The following TRDN variants were observed in gnomAD, a reference collection of about 807,000 sequenced individuals.
The protein encoded by TRDN is triadin in skeletal muscle.
A neutral mutation model predicts 149.7 loss-of-function variants in TRDN; 161 were observed. The observed-to-expected ratio is 1.08, with a 90% CI of 0.95 to 1.23. The LOEUF is 1.23. TRDN is among the 50% of genes most tolerant of loss of function. TRDN has a pLI of 0.00. For missense variants in TRDN, 896 were observed against 823.5 expected, an observed-to-expected ratio of 1.09 and a Z score of -1.08; for synonymous variants, 294 against 250.5, an observed-to-expected ratio of 1.17 and a Z score of -1.64.
chr6:123,224,112 TG>T lies in TRDN; in HGVS notation c.1994del (p.Pro665GlnfsTer79), dbSNP rs1472110668. 1.9e-6 allele frequency: 3 copies of T among 1,610,546 alleles called. No homozygotes were observed. The highest frequency in any genetic ancestry group is 2.5e-6 in the Non-Finnish European group (3 of 1,177,956). On this transcript the variant is annotated frameshift_variant, in exon 39 of 41. Coordinates refer to ENST00000334268, the MANE Select transcript of TRDN (RefSeq NM_006073.4). LOFTEE classifies it high-confidence loss of function. ...ACTCACCTTTAGCTTTCTTTGAAGC[TG>T]GTACATCTTCAACATCTTCTAGAGT... ...ARVSKDVEDV[P>X]ASKKAKEGTE...
rs9490809 is a variant in TRDN, at chr6:123,548,462, G to A, written c.383C>T (p.Thr128Ile). 2 of 1,559,182 alleles carry A rather than the reference G, an allele frequency of 1.3e-6. No individual in the cohort carries two copies. Among genetic ancestry groups the A allele is most frequent in the Admixed American group, 1.9e-5 (1 of 51,316 alleles). Residue 128 changes from threonine (T) to isoleucine (I), a missense_variant, in exon 3 of 41, where the codon ACT becomes ATT. By Grantham distance (89) the Thr-to-Ile change is moderately conservative. Coordinates refer to ENST00000334268, the MANE Select transcript of TRDN (RefSeq NM_006073.4). ...DEEDDDGDED[T>I]DKGEIDEPPL... ...CTCTATGTTCTTTGTACCTTTATCA[G>A]TATCTTCGTCACCATCATCATCTTC...
chr6:123,514,222 G>A (rs569361485), intron 6 of TRDN, among the ~76,000 whole-genome samples: 56 of 152,100 alleles, frequency 3.7e-4, no homozygotes, highest in African/African-American at 1.3e-3. Flanking sequence ...AAAATTAGCT[G>A]GGTGTGGTGG....
intron 1 of TRDN, among the ~76,000 whole-genome samples, chr6:123,591,230 G>T (rs527476882): frequency 4.4e-4 from 67 of 151,994 alleles, no homozygotes; most frequent in African/African-American, 1.6e-3. Context: ...CATTATATTT[G>T]TTTTACCTGA....
chr6:123,476,668 G>T (rs1302094789), intron 9 of TRDN, among the ~76,000 whole-genome samples: 1 of 146,738 alleles, frequency 6.8e-6, no homozygotes, highest in Non-Finnish European at 1.5e-5. Flanking sequence ...TATACTACAA[G>T]GCTACAGTAA....
chr6:123,373,030 G>A (rs976152226), intron 19 of TRDN, among the ~76,000 whole-genome samples: 1 of 152,082 alleles, frequency 6.6e-6, no homozygotes, highest in Non-Finnish European at 1.5e-5. Context: ...CATAACTTTC[G>A]ATGTGGAAGC....
At chr6:123,433,132 C>A (rs1001342936) in intron 12 of TRDN, among the ~76,000 whole-genome samples, 3 of 121,688 alleles carry the variant, frequency 2.5e-5, no homozygotes, top group Non-Finnish European at 5.1e-5. Context: ...CCCCTTCCCC[C>A]ACACATCATA....
At chr6:123,508,304 A>G (rs941425705) in intron 7 of TRDN, among the ~76,000 whole-genome samples, 4 of 152,226 alleles carry the variant, frequency 2.6e-5, no homozygotes, top group African/African-American at 9.6e-5. Context: ...TGACTAACCC[A>G]ATTTCTAATC....
intron 21 of TRDN, chr6:123,351,151 C>G (rs1003507336): frequency 1.1e-5 from 11 of 984,318 alleles, no homozygotes; most frequent in Admixed American, 6.2e-5. Flanking sequence ...AGCTATAAAA[C>G]TCAATGAAAT....
At chr6:123,623,819 A>G (rs962328233) in intron 1 of TRDN, among the ~76,000 whole-genome samples, 5 of 152,072 alleles carry the variant, frequency 3.3e-5, no homozygotes, top group African/African-American at 1.2e-4. Flanking sequence ...CTAGCTTCTT[A>G]GATTTTCCCA....
chr6:123,497,154 A>G, intron 9 of TRDN, 39 bp downstream of exon 9: 1 of 1,448,800 alleles, frequency 6.9e-7, no homozygotes, highest in Non-Finnish European at 9.2e-7. Context: ...AGAAACAAAG[A>G]CTATTAAAAC....
chr6:123,359,246 A>C lies in TRDN; in HGVS notation c.1322-6660T>G, dbSNP rs554439304. On this transcript the variant is annotated intron_variant, in intron 20 of 40. Coordinates refer to ENST00000334268, the MANE Select transcript of TRDN (RefSeq NM_006073.4). ...TGCTCCAATCTTCCTACAGTCTTCT[A>C]ACATAGTCGGAATTATGAACATAGC... is the stretch of plus-strand genomic sequence containing the variant. Among the ~76,000 whole-genome samples, 5 of 152,340 alleles carry C rather than the reference A, an allele frequency of 3.3e-5. No individual in the cohort carries two copies. In the South Asian group the frequency reaches 8.3e-4, roughly 25 times the overall value.
At chr6:123,552,374 C>A (rs1194436029) in intron 2 of TRDN, among the ~76,000 whole-genome samples, 8 of 152,118 alleles carry the variant, frequency 5.3e-5, no homozygotes, top group Admixed American at 5.2e-4. Flanking sequence ...GAAAAATAAT[C>A]ATTTTCTCTG....
chr6:123,357,886 G>GT (rs982658918), intron 20 of TRDN, among the ~76,000 whole-genome samples: 27 of 152,246 alleles, frequency 1.8e-4, no homozygotes, highest in Admixed American at 1.5e-3. Flanking sequence ...AAAGTGCTAT[G>GT]TTTTTTGTTG....
chr6:123,261,647 A>G (rs1476607806), intron 33 of TRDN, among the ~76,000 whole-genome samples: 3 of 151,848 alleles, frequency 2.0e-5, no homozygotes, highest in Non-Finnish European at 2.9e-5. Context: ...TCAGTCTTAC[A>G]TAACTATTTT....
At chr6:123,495,752 T>C (rs1778419573) in intron 9 of TRDN, among the ~76,000 whole-genome samples, 1 of 152,044 alleles carries the variant, frequency 6.6e-6, no homozygotes, top group African/African-American at 2.4e-5. Flanking sequence ...AGGCAGGCAG[T>C]GGTGAAATGA....
At chr6:123,609,105 G>A (rs573714027) in intron 1 of TRDN, among the ~76,000 whole-genome samples, 75 of 152,016 alleles carry the variant, frequency 4.9e-4, no homozygotes, top group African/African-American at 8.9e-4. Flanking sequence ...CCCAGGAGGC[G>A]GAGGTTGGAG....
chr6:123,599,938 C>A (rs187553835), intron 1 of TRDN, among the ~76,000 whole-genome samples: 1 of 151,580 alleles, frequency 6.6e-6, no homozygotes, highest in African/African-American at 2.4e-5. Context: ...TCCAGAATAC[C>A]CTTTTTGCAC....
chr6:123,241,264 A>C (rs1775977797), intron 38 of TRDN, among the ~76,000 whole-genome samples: 1 of 151,268 alleles, frequency 6.6e-6, no homozygotes, highest in Admixed American at 6.6e-5. Flanking sequence ...ATATATTATA[A>C]GGACAAATAT....
chr6:123,216,683 T>C lies in TRDN; in HGVS notation c.*1918A>G, dbSNP rs1023563669. 1.3e-5 allele frequency: 2 copies of C among 152,024 alleles called. No individual in the cohort carries two copies. Among genetic ancestry groups the C allele is most frequent in the East Asian group, 1.9e-4 (1 of 5,146 alleles). 9.4% of individuals were successfully genotyped at this position (152,024 alleles called of 1,614,324 possible). On this transcript the variant is annotated 3_prime_UTR_variant, in exon 41 of 41. Coordinates refer to ENST00000334268, the MANE Select transcript of TRDN (RefSeq NM_006073.4). ...GGTATTTCTATGAGATATTAGACTG[T>C]TTGTCCCTATATCCCTATTTTACTC...
Sources: gnomAD v4.1 joint callset for allele counts (sites outside exome capture counted in the v4.1 genomes callset) on GRCh38, gnomAD v4.1.1 for gene constraint, MANE v1.5 for transcripts, NCBI Gene and HGNC (gene_info 2026-07-23, HGNC 2026-07-21) for gene names.